CEP128: variants seen among roughly 807,000 people sequenced by gnomAD.
CEP128 encodes the protein centrosomal protein 128, also known as centrosomal protein 128kDa.
In CEP128, 132 loss-of-function variants were observed where a neutral mutation model predicts 156.7. The ratio of observed to expected loss-of-function variants is 0.84; its 90% CI spans 0.73 to 0.97. The LOEUF (loss-of-function observed/expected upper bound fraction) is 0.97, where lower values mean the gene tolerates loss of function less well. Among genes scored for constraint, CEP128 ranks in the 50% least tolerant of loss-of-function variants. The pLI, the probability that CEP128 is intolerant of heterozygous loss-of-function variation, is 0.00. For missense variants in CEP128, 1,252 were observed against 1,281.9 expected (o/e 0.98, Z 0.36); for synonymous variants, 469 against 448.9 (o/e 1.04, Z -0.57).
chr14:80,729,058 G>GGGTGGGTGT (rs1898141728), intron 19 of CEP128, among the ~76,000 whole-genome samples: 2 of 105,024 alleles, frequency 1.9e-5, no homozygotes, highest in African/African-American at 1.0e-4. Flanking sequence ...GGCTGGTGGG[G>GGGTGGGTGT]GTGTGTGTGT....
chr14:80,492,743 A>G (rs1482442060), downstream of CEP128, among the ~76,000 whole-genome samples: 4 of 152,218 alleles, frequency 2.6e-5, no homozygotes, highest in Non-Finnish European at 5.9e-5. Context: ...GAAAAAAACA[A>G]AAGGAAACTG....
intron 23 of CEP128, among the ~76,000 whole-genome samples, chr14:80,505,367 CTAGTGGAT>C (rs1887924869): frequency 6.6e-6 from 1 of 152,240 alleles, no homozygotes; most frequent in Non-Finnish European, 1.5e-5. Flanking sequence ...CTTATACTAT[CTAGTGGAT>C]ATACTATGTT....
At chr14:80,647,334 T>A (rs1428533869) in intron 19 of CEP128, among the ~76,000 whole-genome samples, 2 of 151,814 alleles carry the variant, frequency 1.3e-5, no homozygotes, top group Non-Finnish European at 2.9e-5. Flanking sequence ...GACTTTCTAA[T>A]CTCATTCTCT....
rs145276150 is a variant in CEP128, at chr14:80,633,348, G to A, written c.2807-52925C>T. ...CGATATGTCAATAGTAATACTTTCC[G>A]TTGTAAATATTTCATATCTCTGTCC... On this transcript the variant is annotated intron_variant, in intron 19 of 24. Coordinates refer to ENST00000555265, the MANE Select transcript of CEP128 (RefSeq NM_152446.5). 1.5e-4 allele frequency among the ~76,000 whole-genome samples: 23 copies of A among 152,272 alleles called. 1 individual carries two copies. The highest frequency in any genetic ancestry group is 2.9e-4 in the African/African-American group (12 of 41,558).
At chr14:80,537,431 G>A (rs1889533846) in intron 21 of CEP128, among the ~76,000 whole-genome samples, 1 of 152,048 alleles carries the variant, frequency 6.6e-6, no homozygotes, top group Admixed American at 6.6e-5. Flanking sequence ...GAGGATTCTT[G>A]AAATTGTCTT....
intron 9 of CEP128, among the ~76,000 whole-genome samples, chr14:80,855,485 A>G (rs1887103692): frequency 1.3e-5 from 2 of 152,180 alleles, no homozygotes; most frequent in African/African-American, 4.8e-5. Context: ...ATCTAACAAT[A>G]TAATAGGGAA....
intron 2 of CEP128, among the ~76,000 whole-genome samples, chr14:80,933,330 A>G (rs1265683738): frequency 6.6e-6 from 1 of 152,026 alleles, no homozygotes; most frequent in East Asian, 1.9e-4. Flanking sequence ...CACACCTCCA[A>G]CAAGGTAGGA....
At chr14:80,762,501 A>G (rs1900022000) in intron 16 of CEP128, among the ~76,000 whole-genome samples, 1 of 152,198 alleles carries the variant, frequency 6.6e-6, no homozygotes, top group Admixed American at 6.5e-5. Context: ...AAAAAATAAC[A>G]AGGAGATCCA....
intron 4 of CEP128, among the ~76,000 whole-genome samples, chr14:80,909,283 A>G (rs1884069554): frequency 6.6e-6 from 1 of 151,908 alleles, no homozygotes; most frequent in East Asian, 1.9e-4. Flanking sequence ...CAATGCCAAA[A>G]GCAGATCTTG....
At chr14:80,931,085 G>A (rs1229796484) in intron 2 of CEP128, among the ~76,000 whole-genome samples, 13 of 152,224 alleles carry the variant, frequency 8.5e-5, no homozygotes, top group Admixed American at 8.5e-4. Context: ...AGGCAAGAAT[G>A]CTTGTTTTTA....
At chr14:80,889,477 A>T (rs145868149) in intron 8 of CEP128, among the ~76,000 whole-genome samples, 3 of 152,204 alleles carry the variant, frequency 2.0e-5, no homozygotes, top group African/African-American at 4.8e-5. Flanking sequence ...AACACCACAC[A>T]TCTACAACCA....
At chr14:80,895,016 T>A (rs1889279948) in intron 8 of CEP128, among the ~76,000 whole-genome samples, 1 of 152,010 alleles carries the variant, frequency 6.6e-6, no homozygotes, top group Non-Finnish European at 1.5e-5. Flanking sequence ...AATAAATGAA[T>A]AAATACACTC....
intron 22 of CEP128, chr14:80,527,299 G>A (rs1318195799): frequency 9.0e-6 from 4 of 446,190 alleles, no homozygotes; most frequent in Non-Finnish European, 1.8e-5. Context: ...ATATGGTGGT[G>A]CATGGCTGTA....
At chr14:80,883,530 C>CA (rs1888650356) in intron 8 of CEP128, among the ~76,000 whole-genome samples, 1 of 151,640 alleles carries the variant, frequency 6.6e-6, no homozygotes, top group African/African-American at 2.4e-5. Context: ...AGGAATTAAC[C>CA]AAAAAAGTGA....
rs551482440 is a variant in CEP128, at chr14:80,748,483, G to A, written c.2614-5216C>T. 8.0e-4 allele frequency among the ~76,000 whole-genome samples: 122 copies of A among 152,312 alleles called. 1 individual carries two copies. Among genetic ancestry groups the A allele is most frequent in the African/African-American group, 2.8e-3 (116 of 41,568 alleles). On this transcript the variant is annotated intron_variant, in intron 18 of 24. Transcript: ENST00000555265. Reference sequence around the variant, plus strand: ...CTCTAGAAAGTGTTTTCTACGTAGAGTATGAAACACATGCTGAAGGCTGGA... The same window carrying A: ...CTCTAGAAAGTGTTTTCTACGTAGAATATGAAACACATGCTGAAGGCTGGA...
intron 17 of CEP128, among the ~76,000 whole-genome samples, chr14:80,757,362 T>C (rs953305971): frequency 6.6e-6 from 1 of 152,184 alleles, no homozygotes; most frequent in African/African-American, 2.4e-5. Flanking sequence ...AACAATTCTC[T>C]CTCATTTATC....
Position 80,695,806 on chromosome 14 carries a change from A to G in CEP128, c.2806+47269T>C, listed in dbSNP as rs73336509. On this transcript the variant is annotated intron_variant, in intron 19 of 24. Transcript: ENST00000555265. ...TCAAAGTGCCTAGGAAAGTAGCAGT[A>G]TTAATAGACTTTCAATGGTCCATAA... 6.7e-3 allele frequency among the ~76,000 whole-genome samples: 1,023 copies of G among 152,226 alleles called. 10 individuals carry two copies. Among genetic ancestry groups the G allele is most frequent in the African/African-American group, 0.022 (931 of 41,530 alleles).
At chr14:80,913,138 A>G (rs924138863) in intron 4 of CEP128, among the ~76,000 whole-genome samples, 2 of 152,208 alleles carry the variant, frequency 1.3e-5, no homozygotes, top group Admixed American at 1.3e-4. Flanking sequence ...CATCCTTGAA[A>G]GGGCAATTTT....
At chr14:80,548,019 C>T (rs1258739968) in intron 21 of CEP128, among the ~76,000 whole-genome samples, 1 of 152,058 alleles carries the variant, frequency 6.6e-6, no homozygotes, top group Non-Finnish European at 1.5e-5. Context: ...AGGCTAGTCT[C>T]GAACTCCTGA....
Sources: allele counts gnomAD v4.1 joint callset (sites outside exome capture counted in the v4.1 genomes callset), GRCh38; gene constraint gnomAD v4.1.1; transcripts MANE v1.5; gene names NCBI Gene and HGNC (gene_info 2026-07-23, HGNC 2026-07-21).